Variants in KCNIP4 observed in about 807,000 individuals in gnomAD.
KCNIP4 encodes Kv channel-interacting protein 4.
KCNIP4 carries 12 observed loss-of-function variants against 34.0 expected under a neutral mutation model. That is an observed-to-expected ratio of 0.35 (90% CI 0.23 to 0.57). The LOEUF is 0.57. KCNIP4 is among the 20% of genes least tolerant of loss of function. KCNIP4 has a pLI of 0.83. For synonymous variants in KCNIP4, 124 were observed against 102.2 expected, an observed-to-expected ratio of 1.21 and a Z score of -1.29; for missense variants, 238 against 311.7, an observed-to-expected ratio of 0.76 and a Z score of 1.78.
rs767924533 is a variant in KCNIP4 at position 21,548,628 on chromosome 4, A to G, written c.61+399943T>C. Among the ~76,000 whole-genome samples the G allele has an allele frequency of 4.4e-4, 67 of 152,054 alleles. 1 individual carries two copies. The highest frequency in any genetic ancestry group is 5.3e-4 in the Non-Finnish European group (36 of 67,982). On this transcript the variant is annotated intron_variant, in intron 1 of 8. Transcript: ENST00000382152. ...TAATCCAATTGAATACTCATTACAT[A>G]AAGTGCTAATAATGTATACCTTCTC... is the stretch of plus-strand genomic sequence containing the variant.
chr4:21,612,146 T>C (rs970404653), intron 1 of KCNIP4, among the ~76,000 whole-genome samples: 2 of 152,300 alleles, frequency 1.3e-5, no homozygotes, highest in African/African-American at 4.8e-5. Context: ...AAAAAAAGAT[T>C]GATTTTTTTT....
chr4:21,203,909 C>T (rs1362610059), intron 1 of KCNIP4, among the ~76,000 whole-genome samples: 5 of 152,146 alleles, frequency 3.3e-5, no homozygotes, highest in African/African-American at 4.8e-5. Context: ...GTTCAACTCC[C>T]GGGAAGGGCT....
intron 1 of KCNIP4, among the ~76,000 whole-genome samples, chr4:21,571,281 A>G (rs371319990): frequency 3.9e-5 from 6 of 152,196 alleles, no homozygotes; most frequent in East Asian, 3.9e-4. Flanking sequence ...CCAGGAGTGG[A>G]CACAAAGAAG....
intron 1 of KCNIP4, among the ~76,000 whole-genome samples, chr4:21,814,198 T>C (rs1721833025): frequency 6.6e-6 from 1 of 152,182 alleles, no homozygotes; most frequent in African/African-American, 2.4e-5. Flanking sequence ...TAAGACCCTA[T>C]GAAATACCAT....
At chr4:20,855,111 A>G (rs1044017864) in intron 2 of KCNIP4, among the ~76,000 whole-genome samples, 2 of 152,170 alleles carry the variant, frequency 1.3e-5, no homozygotes, top group African/African-American at 2.4e-5. Context: ...CCCAAGTAAC[A>G]TCTGGTAATA....
At chr4:21,385,920 C>G (rs1354739105) in intron 1 of KCNIP4, among the ~76,000 whole-genome samples, 2 of 152,138 alleles carry the variant, frequency 1.3e-5, no homozygotes, top group Admixed American at 6.6e-5. Context: ...AAAACTAGCT[C>G]AAACAAGTGA....
At chr4:21,288,416 A>T (rs1222476075) in intron 1 of KCNIP4, among the ~76,000 whole-genome samples, 1 of 152,186 alleles carries the variant, frequency 6.6e-6, no homozygotes, top group Non-Finnish European at 1.5e-5. Context: ...CAGAACAAAA[A>T]AAGAGAGAGA....
chr4:21,871,535 C>T (rs1372792548), intron 1 of KCNIP4, among the ~76,000 whole-genome samples: 5 of 151,674 alleles, frequency 3.3e-5, no homozygotes, highest in Non-Finnish European at 5.9e-5. Context: ...AGCAAACTAT[C>T]GCAAGGACAG....
At chr4:20,789,393 C>T (rs1712437322) in intron 3 of KCNIP4, among the ~76,000 whole-genome samples, 1 of 152,068 alleles carries the variant, frequency 6.6e-6, no homozygotes, top group Non-Finnish European at 1.5e-5. Flanking sequence ...AAGAAAGATA[C>T]TCCAGGTAAA....
At chr4:21,706,287 T>C (rs1002655130) in intron 1 of KCNIP4, among the ~76,000 whole-genome samples, 1 of 152,134 alleles carries the variant, frequency 6.6e-6, no homozygotes, top group African/African-American at 2.4e-5. Context: ...GTTTTCGAGA[T>C]GAAACCAGTT....
intron 1 of KCNIP4, among the ~76,000 whole-genome samples, chr4:20,975,395 C>T (rs1247776313): frequency 6.6e-6 from 1 of 152,108 alleles, no homozygotes; most frequent in Admixed American, 6.5e-5. Flanking sequence ...TTATCAACTT[C>T]TCTAAGAGAC....
chr4:21,400,923 G>A (rs192440034), intron 1 of KCNIP4, among the ~76,000 whole-genome samples: 434 of 152,234 alleles, frequency 2.9e-3, no homozygotes, highest in Non-Finnish European at 5.4e-3. Flanking sequence ...CACTTTGGGA[G>A]GCCAAAGTGG....
At chr4:21,098,368 G>A (rs1747646063) in intron 1 of KCNIP4, among the ~76,000 whole-genome samples, 1 of 152,164 alleles carries the variant, frequency 6.6e-6, no homozygotes. Flanking sequence ...GACTTTCATA[G>A]CTGTGGAGAA....
intron 3 of KCNIP4, among the ~76,000 whole-genome samples, chr4:20,830,254 C>T (rs1040727935): frequency 2.6e-5 from 4 of 152,108 alleles, no homozygotes; most frequent in African/African-American, 9.7e-5. Context: ...GCTTCTCTAC[C>T]TTATAAATCC....
chr4:21,618,794 T>C (rs1387767214), intron 1 of KCNIP4, among the ~76,000 whole-genome samples: 3 of 151,344 alleles, frequency 2.0e-5, no homozygotes, highest in Non-Finnish European at 4.4e-5. Flanking sequence ...CACCACGCCC[T>C]GCTAATTTTT....
chr4:20,999,414 G>GTTTTTTT (rs5856594), intron 1 of KCNIP4, among the ~76,000 whole-genome samples: 8 of 95,346 alleles, frequency 8.4e-5, no homozygotes, highest in African/African-American at 3.3e-4. Flanking sequence ...TTGTGGTGGT[G>GTTTTTTT]TTTTTTTTTT....
chr4:21,411,133 G>A (rs1036206195), intron 1 of KCNIP4, among the ~76,000 whole-genome samples: 1 of 152,146 alleles, frequency 6.6e-6, no homozygotes, highest in Admixed American at 6.5e-5. Flanking sequence ...AAAATTTTTA[G>A]GTGCTTAGGA....
chr4:20,982,731 C>T (rs1190823966), intron 1 of KCNIP4, among the ~76,000 whole-genome samples: 1 of 152,184 alleles, frequency 6.6e-6, no homozygotes, highest in Admixed American at 6.5e-5. Flanking sequence ...AACCTGTATA[C>T]CGGATCTTGT....
At chr4:21,733,315 T>C (rs1715746346) in intron 1 of KCNIP4, among the ~76,000 whole-genome samples, 1 of 152,184 alleles carries the variant, frequency 6.6e-6, no homozygotes, top group Admixed American at 6.6e-5. Flanking sequence ...CAGTGAATCG[T>C]ATATAGATAC....
Sources: gnomAD v4.1 joint callset for allele counts (sites outside exome capture counted in the v4.1 genomes callset) on GRCh38, gnomAD v4.1.1 for gene constraint, MANE v1.5 for transcripts, NCBI Gene and HGNC (gene_info 2026-07-23, HGNC 2026-07-21) for gene names.